The following SLC3A1 variants were observed in gnomAD, a reference collection of about 807,000 sequenced individuals.
The protein encoded by SLC3A1 is solute carrier family 3 member 1, also known as amino acid transporter heavy chain SLC3A1.
Under a neutral mutation model 60.3 loss-of-function variants are expected in SLC3A1, and 78 were observed. That is an observed-to-expected ratio of 1.29 (90% CI 1.08 to 1.56). SLC3A1 has a LOEUF of 1.56. Among genes scored for constraint, SLC3A1 ranks in the 40% most tolerant of loss-of-function variants. The pLI is 0.00. For synonymous variants in SLC3A1, 392 were observed against 307.9 expected, an observed-to-expected ratio of 1.27 and a Z score of -2.86; for missense variants, 1,172 against 858.9, an observed-to-expected ratio of 1.36 and a Z score of -4.56.
At chr2:44,298,129 G>A (rs1045653296) in intron 4 of SLC3A1, among the ~76,000 whole-genome samples, 3 of 152,098 alleles carry the variant, frequency 2.0e-5, no homozygotes, top group Non-Finnish European at 4.4e-5. Context: ...GTAACTTGAT[G>A]TTTAACCTTT....
chr2:44,316,656 G>A (rs1572820109), intron 9 of SLC3A1, among the ~76,000 whole-genome samples: 1 of 152,174 alleles, frequency 6.6e-6, no homozygotes. Flanking sequence ...TACTCAGAAA[G>A]AAACCAAACC....
chr2:44,288,320 C>A (rs1443260958), intron 4 of SLC3A1, among the ~76,000 whole-genome samples: 1 of 152,176 alleles, frequency 6.6e-6, no homozygotes, highest in Non-Finnish European at 1.5e-5. Flanking sequence ...GCCACTGCAC[C>A]TGGCCTAATT....
At position 44,320,684 on chromosome 2, in the gene SLC3A1, G is replaced by GT. The variant is rs1672862431; in HGVS notation, c.*46dup. ...AAGACACTGGCATTTCAGTGGGATTGTAAGCATTTGTAATAGCTTCATGTA... is the reference window on the plus strand; with the variant it reads ...AAGACACTGGCATTTCAGTGGGATTGTTAAGCATTTGTAATAGCTTCATGTA... On this transcript the variant is annotated 3_prime_UTR_variant, in exon 10 of 10. Transcript: ENST00000260649. The GT allele has an allele frequency of 1.4e-6, 2 of 1,415,926 alleles. No individual in the cohort carries two copies. The highest frequency in any genetic ancestry group is 2.0e-6 in the Non-Finnish European group (2 of 1,000,090). 87.7% of individuals were successfully genotyped at this position (1,415,926 alleles called of 1,614,324 possible). A position where few individuals can be genotyped will look rare whatever the true frequency, so the allele number is the denominator to read the frequency against.
chr2:44,284,790 T>C (rs1441048), intron 3 of SLC3A1, among the ~76,000 whole-genome samples: 94,046 of 151,824 alleles, frequency 0.62, 29,662 homozygotes, highest in Non-Finnish European at 0.68. Flanking sequence ...GGTCTTGAAC[T>C]TCTGGCCTCA....
chr2:44,285,758 T>C (rs1326513443), intron 3 of SLC3A1: 3 of 611,850 alleles, frequency 4.9e-6, no homozygotes, highest in East Asian at 3.7e-5. Context: ...GTTCCTTAAG[T>C]TGACCTTGTC....
At chr2:44,291,613 G>T (rs62135160) in intron 4 of SLC3A1, among the ~76,000 whole-genome samples, 5,772 of 152,236 alleles carry the variant, frequency 0.038, 152 homozygotes, top group South Asian at 0.075. Context: ...AGGGACCTTT[G>T]GCATGAAGGA....
chr2:44,304,111 C>G (rs373280110), intron 6 of SLC3A1, 32 bp from the exon 7 acceptor site: 2 of 1,584,684 alleles, frequency 1.3e-6, no homozygotes, highest in African/African-American at 2.7e-5. Flanking sequence ...CTGACAGGCC[C>G]CGATGACACT....
intron 8 of SLC3A1, among the ~76,000 whole-genome samples, chr2:44,313,070 T>C (rs1672339203): frequency 6.6e-6 from 1 of 152,184 alleles, no homozygotes; most frequent in African/African-American, 2.4e-5. Context: ...CACACTAAAA[T>C]TGGAGAACCG....
intron 6 of SLC3A1, chr2:44,301,333 A>T (rs971772573): frequency 1.0e-5 from 7 of 677,304 alleles, no homozygotes; most frequent in African/African-American, 8.9e-5. Flanking sequence ...CTCTTTTGTA[A>T]AATGATGCAG....
intron 4 of SLC3A1, among the ~76,000 whole-genome samples, chr2:44,294,892 T>C (rs1234447096): frequency 2.6e-5 from 4 of 152,080 alleles, no homozygotes; most frequent in Non-Finnish European, 5.9e-5. Context: ...TGATGTCTTC[T>C]GTTTGTTTTT....
At chr2:44,288,726 G>A (rs957666054) in intron 4 of SLC3A1, among the ~76,000 whole-genome samples, 1 of 152,174 alleles carries the variant, frequency 6.6e-6, no homozygotes, top group Non-Finnish European at 1.5e-5. Flanking sequence ...GGTTGTATTT[G>A]CCAAATGGCT....
chr2:44,302,591 A>G (rs1033685065), intron 6 of SLC3A1, among the ~76,000 whole-genome samples: 22 of 152,214 alleles, frequency 1.4e-4, no homozygotes, highest in Admixed American at 8.5e-4. Context: ...ATCCATAAAT[A>G]TGCTGCCTCA....
chr2:44,292,736 G>A (rs1295562674), intron 4 of SLC3A1, among the ~76,000 whole-genome samples: 2 of 152,060 alleles, frequency 1.3e-5, no homozygotes, highest in African/African-American at 2.4e-5. Context: ...CATTAGAGGT[G>A]CTGGGAGTTG....
intron 6 of SLC3A1, chr2:44,303,704 AT>A (rs1357450436): frequency 2.5e-5 from 7 of 280,366 alleles, no homozygotes; most frequent in African/African-American, 1.5e-4. Context: ...TACATTAGGT[AT>A]TTCTCCTAAT....
chr2:44,321,608 GATTAA>G (rs1192386580), downstream of SLC3A1: 9 of 1,480,388 alleles, frequency 6.1e-6, no homozygotes, highest in African/African-American at 7.1e-5. Flanking sequence ...CAACAATTAA[GATTAA>G]ATTATTTTCT....
In SLC3A1 at chr2:44,321,037, G is replaced by T; in HGVS notation, c.*398G>T. On this transcript the variant is annotated 3_prime_UTR_variant, in exon 10 of 10. Transcript: ENST00000260649. ...TAGCAAAGAGGCAGGACACTAATTT[G>T]TAAACTGCTCAACTGTTCTGACTGG... is the stretch of plus-strand genomic sequence containing the variant. 2.5e-6 allele frequency: 1 copy of T among 394,682 alleles called. No individual in the cohort carries two copies. The allele number at this position is 394,682 out of a possible 1,614,324, so 24.4% of individuals were successfully genotyped here.
intron 1 of SLC3A1, among the ~76,000 whole-genome samples, chr2:44,276,177 G>A (rs1671338003): frequency 6.6e-6 from 1 of 152,202 alleles, no homozygotes; most frequent in Non-Finnish European, 1.5e-5. Flanking sequence ...ATTTGCTGAA[G>A]GCCTTTGAGC....
At chr2:44,314,228 A>G (rs1199984674) in intron 9 of SLC3A1, 32 of 765,266 alleles carry the variant, frequency 4.2e-5, no homozygotes, top group Non-Finnish European at 6.3e-5. Flanking sequence ...TATGAAGGAA[A>G]TTTTATGAAG....
rs755879122 is a variant in SLC3A1 at position 44,312,794 on chromosome 2, A to T, written c.1500+41A>T. 1.2e-5 allele frequency: 18 copies of T among 1,544,412 alleles called. No homozygotes were observed. The African/African-American group carries it at 1.9e-4, about 16-fold the overall frequency. The stretch of plus-strand genomic sequence containing the variant: ...CTTGACTATTCATCACAGCTATAAA[A>T]CCAAGTATTCATTTTTTATTTTTTG... On this transcript the variant is annotated intron_variant, in intron 8 of 9. Coordinates refer to ENST00000260649, the MANE Select transcript of SLC3A1 (RefSeq NM_000341.4).
Sources: allele counts gnomAD v4.1 joint callset (sites outside exome capture counted in the v4.1 genomes callset), GRCh38; gene constraint gnomAD v4.1.1; transcripts MANE v1.5; gene names NCBI Gene and HGNC (gene_info 2026-07-23, HGNC 2026-07-21).